The following SEMA3E variants were observed in gnomAD, a reference collection of about 807,000 sequenced individuals.
SEMA3E encodes semaphorin-3E.
SEMA3E carries 49 observed loss-of-function variants against 93.6 expected under a neutral mutation model. The observed-to-expected ratio is 0.52, with a 90% CI of 0.42 to 0.66. The LOEUF is 0.66. Ranked by LOEUF, SEMA3E falls within the 30% of genes least tolerant of loss-of-function variation. The probability of loss-of-function intolerance (pLI) is 0.00; values close to 1 mark genes in which losing one functional copy is unlikely to be tolerated. For missense variants in SEMA3E, 906 were observed against 964.8 expected (o/e 0.94, Z 0.81); for synonymous variants, 363 against 330.7 (o/e 1.10, Z -1.06).
chr7:83,408,650 C>A (rs1054949210), intron 5 of SEMA3E, among the ~76,000 whole-genome samples, 163 bp from the exon 6 acceptor site: 2 of 152,164 alleles, frequency 1.3e-5, no homozygotes, highest in African/African-American at 4.8e-5. Flanking sequence ...GGGTTTGAGT[C>A]CAGAGTCTGT....
chr7:83,387,810 C>T (rs1787909717), intron 14 of SEMA3E, among the ~76,000 whole-genome samples: 1 of 144,008 alleles, frequency 6.9e-6, no homozygotes, highest in Non-Finnish European at 1.5e-5. Flanking sequence ...GGAAAAATTC[C>T]AGAATATATA....
At chr7:83,622,525 G>A (rs1383234504) in intron 1 of SEMA3E, among the ~76,000 whole-genome samples, 1 of 152,084 alleles carries the variant, frequency 6.6e-6, no homozygotes, top group African/African-American at 2.4e-5. Context: ...AAAGATACAT[G>A]CACACATATG....
chr7:83,517,556 C>T (rs1354853782), intron 1 of SEMA3E, among the ~76,000 whole-genome samples: 1 of 152,096 alleles, frequency 6.6e-6, no homozygotes, highest in East Asian at 1.9e-4. Context: ...TATAACTACA[C>T]CCACTTCTGT....
intron 1 of SEMA3E, among the ~76,000 whole-genome samples, chr7:83,512,392 T>C (rs1257659344): frequency 6.6e-6 from 1 of 152,192 alleles, no homozygotes; most frequent in African/African-American, 2.4e-5. Flanking sequence ...TGAGTCTACC[T>C]AGAGGGACTC....
intron 14 of SEMA3E, 107 bp downstream of exon 14, chr7:83,392,448 T>C (rs1788037127): frequency 1.6e-6 from 2 of 1,251,418 alleles, no homozygotes; most frequent in Non-Finnish European, 2.3e-6. Flanking sequence ...CTGTACACAA[T>C]AATTAATACA....
At chr7:83,461,707 T>C (rs954673729) in intron 4 of SEMA3E, among the ~76,000 whole-genome samples, 12 of 152,060 alleles carry the variant, frequency 7.9e-5, no homozygotes, top group Non-Finnish European at 1.5e-4. Flanking sequence ...TATTACCCAA[T>C]CTGCTCCCGA....
intron 4 of SEMA3E, among the ~76,000 whole-genome samples, chr7:83,452,274 T>G (rs1024443212): frequency 2.6e-5 from 4 of 152,260 alleles, no homozygotes; most frequent in Middle Eastern, 3.4e-3. Context: ...TTTGGAGCAT[T>G]TCACTTTTCC....
chr7:83,388,913 T>G (rs1787938484), intron 14 of SEMA3E, among the ~76,000 whole-genome samples: 1 of 151,926 alleles, frequency 6.6e-6, no homozygotes, highest in African/African-American at 2.4e-5. Flanking sequence ...GTTCAGATCT[T>G]ATTTAACATA....
intron 9 of SEMA3E, among the ~76,000 whole-genome samples, chr7:83,404,781 AAG>A (rs1163002443): frequency 6.6e-6 from 1 of 152,018 alleles, no homozygotes; most frequent in African/African-American, 2.4e-5. Context: ...ATCAGAATGA[AAG>A]AGTGAGAAGA....
chr7:83,582,577 T>C (rs1307310868), intron 1 of SEMA3E, among the ~76,000 whole-genome samples: 2 of 152,200 alleles, frequency 1.3e-5, no homozygotes, highest in African/African-American at 4.8e-5. Flanking sequence ...CTGGGATAAA[T>C]GGCTGATGAA....
chr7:83,597,656 CA>C (rs1206474253), intron 1 of SEMA3E, among the ~76,000 whole-genome samples: 1 of 152,066 alleles, frequency 6.6e-6, no homozygotes, highest in Non-Finnish European at 1.5e-5. Flanking sequence ...TCACTTTGTC[CA>C]AACATAGATT....
chr7:83,520,843 G>A (rs559695194), intron 1 of SEMA3E, among the ~76,000 whole-genome samples: 1 of 152,150 alleles, frequency 6.6e-6, no homozygotes, highest in Non-Finnish European at 1.5e-5. Context: ...TAACTGGTCA[G>A]TTAAAGATAC....
intron 6 of SEMA3E, among the ~76,000 whole-genome samples, chr7:83,408,137 G>A (rs1788362172): frequency 6.6e-6 from 1 of 152,098 alleles, no homozygotes; most frequent in Admixed American, 6.6e-5. Context: ...TGATTTCTAA[G>A]CATTGCTCGG....
chr7:83,598,668 G>A (rs1303560439), intron 1 of SEMA3E, among the ~76,000 whole-genome samples: 1 of 152,140 alleles, frequency 6.6e-6, no homozygotes, highest in Non-Finnish European at 1.5e-5. Context: ...TTGAAACTGG[G>A]AGAAGTCCAA....
intron 4 of SEMA3E, among the ~76,000 whole-genome samples, chr7:83,448,510 C>G (rs1031420713): frequency 2.0e-5 from 3 of 152,002 alleles, no homozygotes; most frequent in African/African-American, 7.2e-5. Context: ...AGACCCTATT[C>G]TAAAACAAAA....
intron 1 of SEMA3E, among the ~76,000 whole-genome samples, chr7:83,554,660 A>G (rs927483018): frequency 6.6e-6 from 1 of 152,126 alleles, no homozygotes; most frequent in Non-Finnish European, 1.5e-5. Flanking sequence ...TTACTTTATA[A>G]CAAGATTACT....
Position 83,466,053 on chromosome 7 carries a change from A to G in SEMA3E, c.456+429T>C, listed in dbSNP as rs192978542. 3.7e-3 allele frequency among the ~76,000 whole-genome samples: 562 copies of G among 152,296 alleles called. 7 individuals are homozygous for G. Among genetic ancestry groups the G allele is most frequent in the Non-Finnish European group, 4.8e-3 (324 of 68,028 alleles). ...CTACCTCACCTGACCATGAGAAAGT[A>G]ATTACAGAATCAAAAAGTCTTTGCA... On this transcript the variant is annotated intron_variant, in intron 4 of 16. Coordinates refer to ENST00000643230, the MANE Select transcript of SEMA3E (RefSeq NM_012431.3).
At chr7:83,574,751 G>C (rs1273985497) in intron 1 of SEMA3E, among the ~76,000 whole-genome samples, 1 of 152,134 alleles carries the variant, frequency 6.6e-6, no homozygotes, top group Non-Finnish European at 1.5e-5. Context: ...GAACTGAGGT[G>C]CTTCAGCCAA....
chr7:83,538,586 T>G (rs539799521), intron 1 of SEMA3E, among the ~76,000 whole-genome samples: 19 of 152,214 alleles, frequency 1.2e-4, no homozygotes, highest in Non-Finnish European at 2.6e-4. Context: ...CTGAAATTGT[T>G]AAATCATTAT....
Sources: gnomAD v4.1 joint callset for allele counts (sites outside exome capture counted in the v4.1 genomes callset) on GRCh38, gnomAD v4.1.1 for gene constraint, MANE v1.5 for transcripts, NCBI Gene and HGNC (gene_info 2026-07-23, HGNC 2026-07-21) for gene names.